The following PAGE2B variants were observed in gnomAD, a reference collection of about 807,000 sequenced individuals.
The protein encoded by PAGE2B is PAGE family member 2B.
PAGE2B carries 5 observed loss-of-function variants against 7.6 expected under a neutral mutation model. That is an observed-to-expected ratio of 0.66 (90% CI 0.34 to 1.38). PAGE2B has a LOEUF of 1.38. PAGE2B is among the 40% of genes most tolerant of loss of function. The pLI, the probability that PAGE2B is intolerant of heterozygous loss-of-function variation, is 0.04. For missense variants in PAGE2B, 70 were observed against 78.4 expected (o/e 0.89, Z 0.41); for synonymous variants, 29 against 26.7 (o/e 1.09, Z -0.27).
At chrX:55,050,331 G>C in the PAGE2B span, among the ~76,000 whole-genome samples, 9 of 110,972 alleles carry the variant, frequency 8.1e-5, no homozygotes, top group Non-Finnish European at 1.3e-4. Flanking sequence ...GGTCCGCTTG[G>C]TGCAGAGCTG....
At chrX:55,062,153 GT>G in the PAGE2B span, among the ~76,000 whole-genome samples, 1 of 111,285 alleles carries the variant, frequency 9.0e-6, no homozygotes, top group African/African-American at 3.3e-5. Context: ...TCTATTTTTA[GT>G]TTTCTTGAGG....
rs753496440 is a variant in PAGE2B at position 55,076,404 on chromosome X, A to G, written c.85-165A>G. On this transcript the variant is annotated intron_variant, in intron 2 of 4. Coordinates refer to ENST00000374971, the MANE Select transcript of PAGE2B (RefSeq NM_001015038.3). ...TATGTATGTATATATGTATGTGTAT[A>G]TATGTATGTATATACGTATGTATGT... is the stretch of plus-strand genomic sequence containing the variant. 4.1e-3 allele frequency among the ~76,000 whole-genome samples: 445 copies of G among 108,120 alleles called. 4 individuals carry two copies. The highest frequency in any genetic ancestry group is 0.015 in the African/African-American group (430 of 29,241). The allele number at this position is 108,120 out of a possible 115,157, so 93.9% of individuals were successfully genotyped here.
At position 55,077,410 on chromosome X, in the gene PAGE2B, G is replaced by A. The variant is rs1245669832; in HGVS notation, c.205G>A (p.Glu69Lys). Reference protein sequence around the residue: ...GAPAVQGPDMEAFQQELALLK... With the variant: ...GAPAVQGPDMKAFQQELALLK... ...TTTTATCTTTTAAGGGCCTGACATG[G>A]AAGCTTTTCAACAGGAACTGGCTCT... Residue 69 changes from glutamate to lysine, a missense_variant, in exon 4 of 5, where the codon GAA becomes AAA. Physicochemically the swap from Glu to Lys is moderately conservative, Grantham distance 56. Transcript: ENST00000374971. The A allele has an allele frequency of 1.7e-6, 2 of 1,210,646 alleles. No homozygotes were observed. Among genetic ancestry groups the A allele is most frequent in the Non-Finnish European group, 2.2e-6 (2 of 895,176 alleles).
At chrX:55,054,888 A>G in the PAGE2B span, 1 of 111,956 alleles carries the variant, frequency 8.9e-6, no homozygotes, top group Non-Finnish European at 1.9e-5. Flanking sequence ...AAATCTTGAT[A>G]ATCCTTTATG....
At chrX:55,051,178 A>G in the PAGE2B span, among the ~76,000 whole-genome samples, 1 of 111,749 alleles carries the variant, frequency 8.9e-6, no homozygotes, top group Admixed American at 9.6e-5. Flanking sequence ...TGAGAGATCC[A>G]CAGTTAGTCT....
At chrX:55,032,124 A>G in the PAGE2B span, among the ~76,000 whole-genome samples, 1 of 111,234 alleles carries the variant, frequency 9.0e-6, no homozygotes, top group Admixed American at 9.6e-5. Flanking sequence ...CATTTGTGAG[A>G]GCATTTTTTT....
At chrX:55,034,098 C>T in the PAGE2B span, among the ~76,000 whole-genome samples, 2 of 111,889 alleles carry the variant, frequency 1.8e-5, no homozygotes, top group African/African-American at 6.5e-5. Flanking sequence ...GGAAGACATA[C>T]AGGCTTTGTT....
chrX:55,049,786 G>GT, the PAGE2B span, among the ~76,000 whole-genome samples: 13 of 111,322 alleles, frequency 1.2e-4, no homozygotes, highest in Non-Finnish European at 1.7e-4. Flanking sequence ...TTTATGAAGG[G>GT]TTTTTTGTGT....
At chrX:55,030,051 T>C in the PAGE2B span, among the ~76,000 whole-genome samples, 391 of 105,157 alleles carry the variant, frequency 3.7e-3, 2 homozygotes, top group African/African-American at 0.012. Context: ...CAGGCCTTAC[T>C]TCTCTTCCTA....
the PAGE2B span, among the ~76,000 whole-genome samples, chrX:55,051,942 A>C: frequency 1.6e-4 from 18 of 111,177 alleles, no homozygotes; most frequent in Non-Finnish European, 3.4e-4. Flanking sequence ...TTGTGGTTTT[A>C]TCTACCTTTG....
At chrX:55,068,663 T>C in the PAGE2B span, among the ~76,000 whole-genome samples, 1 of 112,047 alleles carries the variant, frequency 8.9e-6, no homozygotes, top group African/African-American at 3.2e-5. Flanking sequence ...ATTCTTCCTA[T>C]CCATGAACAT....
intron 2 of PAGE2B, 74 bp downstream of exon 2, chrX:55,076,199 G>A (rs956729281): frequency 1.2e-5 from 13 of 1,059,831 alleles, no homozygotes; most frequent in South Asian, 4.5e-5. Flanking sequence ...TAGTGTACAC[G>A]CACTGATACA....
rs45627836 is a variant in PAGE2B at position 55,076,328 on chromosome X, A to C, written c.84+203A>C. On this transcript the variant is annotated intron_variant, in intron 2 of 4. Coordinates refer to ENST00000374971, the MANE Select transcript of PAGE2B (RefSeq NM_001015038.3). Reference sequence around the variant, plus strand: ...GATATTTCTCTCTCTCTCTCTCTCTATATATATATATGTGTGTGTGTGTGT... The same window carrying C: ...GATATTTCTCTCTCTCTCTCTCTCTCTATATATATATGTGTGTGTGTGTGT... 0.023 allele frequency among the ~76,000 whole-genome samples: 2,366 copies of C among 104,144 alleles called. 35 individuals carry two copies. Among genetic ancestry groups the C allele is most frequent in the African/African-American group, 0.047 (1,294 of 27,602 alleles). 90.4% of individuals were successfully genotyped at this position (104,144 alleles called of 115,157 possible). A position where few individuals can be genotyped will look rare whatever the true frequency, so the allele number is the denominator to read the frequency against.
At chrX:55,069,271 A>G in the PAGE2B span, among the ~76,000 whole-genome samples, 8,761 of 111,087 alleles carry the variant, frequency 0.079, 789 homozygotes, top group African/African-American at 0.26. Flanking sequence ...TTTGTCAAAG[A>G]CCTTTTCTGC....
At chrX:55,043,606 T>C in the PAGE2B span, among the ~76,000 whole-genome samples, 1 of 111,404 alleles carries the variant, frequency 9.0e-6, no homozygotes, top group Non-Finnish European at 1.9e-5. Flanking sequence ...AATTATCAGA[T>C]AAATGCAAAT....
chrX:55,034,822 A>G, the PAGE2B span, among the ~76,000 whole-genome samples: 1 of 108,721 alleles, frequency 9.2e-6, no homozygotes, highest in Non-Finnish European at 1.9e-5. Flanking sequence ...ATGTATATAT[A>G]TATGGGAGTT....
In PAGE2B at chrX:55,075,065, T is replaced by G. The variant is rs1451014636; in HGVS notation, c.-58T>G. On this transcript the variant is annotated 5_prime_UTR_variant, in exon 1 of 5. Transcript: ENST00000374971. ...CACACAGCTCTGCAAGGAGAGTGTC[T>G]TCATTCTTTCCGCCATCTTGATTCT... The G allele has an allele frequency of 1.7e-5, 2 of 117,986 alleles. No homozygotes were observed. The highest frequency in any genetic ancestry group is 6.4e-5 in the African/African-American group (2 of 31,238). 9.7% of individuals were successfully genotyped at this position (117,986 alleles called of 1,213,427 possible).
At chrX:55,047,780 A>G in the PAGE2B span, among the ~76,000 whole-genome samples, 1 of 111,468 alleles carries the variant, frequency 9.0e-6, no homozygotes, top group Non-Finnish European at 1.9e-5. Flanking sequence ...TTTCACTCTG[A>G]TGGTAGTTTC....
chrX:55,074,009 G>A (rs1184682477), upstream of PAGE2B, among the ~76,000 whole-genome samples: 2 of 111,452 alleles, frequency 1.8e-5, no homozygotes, highest in African/African-American at 6.5e-5. Flanking sequence ...AAACATAGTG[G>A]AGTAGAAGCA....
Sources: gnomAD v4.1 joint callset for allele counts (sites outside exome capture counted in the v4.1 genomes callset) on GRCh38, gnomAD v4.1.1 for gene constraint, MANE v1.5 for transcripts, NCBI Gene and HGNC (gene_info 2026-07-23, HGNC 2026-07-21) for gene names.